Variants in HUWE1 observed in about 807,000 individuals in gnomAD.
HUWE1 encodes HECT, UBA and WWE domain containing E3 ubiquitin protein ligase 1, also known as E3 ubiquitin-protein ligase HUWE1.
HUWE1 carries 18 observed loss-of-function variants against 299.4 expected under a neutral mutation model. The ratio of observed to expected loss-of-function variants is 0.06; its 90% CI spans 0.04 to 0.09. HUWE1 has a LOEUF of 0.09. Among genes scored for constraint, HUWE1 ranks in the 10% least tolerant of loss-of-function variants. The pLI, the probability that HUWE1 is intolerant of heterozygous loss-of-function variation, is 1.00. For synonymous variants in HUWE1, 1,317 were observed against 1,286.1 expected (o/e 1.02, Z -0.51); for missense variants, 1,832 against 3,462.3 (o/e 0.53, Z 11.82).
rs201358327 is a variant in HUWE1 at position 53,648,529 on chromosome X, AC to A, written c.46-220del. Among the ~76,000 whole-genome samples the A allele has an allele frequency of 1.0e-3, 101 of 96,384 alleles. 3 individuals are homozygous for A. Among genetic ancestry groups the A allele is most frequent in the African/African-American group, 5.0e-3 (89 of 17,740 alleles). 83.7% of individuals were successfully genotyped at this position (96,384 alleles called of 115,157 possible). A position where few individuals can be genotyped will look rare whatever the true frequency, so the allele number is the denominator to read the frequency against. On this transcript the variant is annotated intron_variant, in intron 4 of 83. Transcript: ENST00000262854. ...CCAACAATCCACCTGGGCTTAAAAA[AC>A]AAAAAAAAACAAAAAAAAACAAAAA...
chrX:53,656,336 G>A (rs1164645219), intron 3 of HUWE1, among the ~76,000 whole-genome samples: 11 of 106,606 alleles, frequency 1.0e-4, no homozygotes, highest in African/African-American at 3.8e-4. Context: ...AGATTGTACC[G>A]TTGCACTCCA....
At chrX:53,542,653 A>G (rs1569413728) in intron 73 of HUWE1, 114 bp from the exon 74 acceptor site, 5 of 548,747 alleles carry the variant, frequency 9.1e-6, no homozygotes, top group Non-Finnish European at 1.6e-5. Context: ...GAAGCTTCCC[A>G]TATTTGGGTG....
At chrX:53,559,832 C>G (rs1202616087) in intron 56 of HUWE1, among the ~76,000 whole-genome samples, 2 of 112,238 alleles carry the variant, frequency 1.8e-5, no homozygotes, top group Non-Finnish European at 3.8e-5. Context: ...CCAACCATTA[C>G]AACACTTATA....
At position 53,661,352 on chromosome X, in the gene HUWE1, A is replaced by G. The variant is rs2068997444; in HGVS notation, c.-24-7221T>C. 2.7e-5 allele frequency among the ~76,000 whole-genome samples: 3 copies of G among 111,903 alleles called. No individual in the cohort carries two copies. In the Admixed American group the frequency reaches 2.8e-4, roughly 11 times the overall value. Reference sequence around the variant, plus strand: ...CCCAGCCTCACCTTTTTTTAAAACCAGTTTTATTACTACAAAATATTGGCA... The same window carrying G: ...CCCAGCCTCACCTTTTTTTAAAACCGGTTTTATTACTACAAAATATTGGCA... On this transcript the variant is annotated intron_variant, in intron 3 of 83. Coordinates refer to ENST00000262854, the MANE Select transcript of HUWE1 (RefSeq NM_031407.7).
chrX:53,675,630 TAAAAGAAAAA>T (rs1389685450), intron 3 of HUWE1, among the ~76,000 whole-genome samples: 4 of 110,565 alleles, frequency 3.6e-5, no homozygotes, highest in Non-Finnish European at 5.7e-5. Context: ...AATGTTATGT[TAAAAGAAAAA>T]AAAAGATATA....
intron 74 of HUWE1, among the ~76,000 whole-genome samples, chrX:53,540,801 GAGTA>G (rs1402311734): frequency 3.6e-5 from 4 of 111,236 alleles, no homozygotes; most frequent in African/African-American, 3.3e-5. Context: ...TCTGGGTGGG[GAGTA>G]AGTGACTGTT....
rs782225295 is a variant in HUWE1, at chrX:53,589,786, G to A, written c.4222C>T (p.Arg1408Trp). Residue 1408 changes from arginine to tryptophan, a missense_variant, in exon 36 of 84, where the codon CGG (arginine) becomes TGG (tryptophan). This residue lies in a region of HUWE1 where 658 missense variants were observed against 1,282.6 expected (regional missense o/e 0.51). Coordinates refer to ENST00000262854, the MANE Select transcript of HUWE1 (RefSeq NM_031407.7). Reference sequence around the variant, plus strand: ...TCCTCCTGCTTTTCCCGAGCTTTCCGTTCCTCTTCCTCCTTCCGGCAAGCA... The same window carrying A: ...TCCTCCTGCTTTTCCCGAGCTTTCCATTCCTCTTCCTCCTTCCGGCAAGCA... Reference protein sequence around the residue: ...EVACRKEEEERKAREKQEEEE... With the variant: ...EVACRKEEEEWKAREKQEEEE... 5.0e-6 allele frequency: 6 copies of A among 1,207,755 alleles called. No individual in the cohort carries two copies. The highest frequency in any genetic ancestry group is 1.8e-5 in the African/African-American group (1 of 56,993).
At chrX:53,593,217 T>C (rs1414028435) in intron 32 of HUWE1, 147 bp downstream of exon 32, 9 of 480,522 alleles carry the variant, frequency 1.9e-5, no homozygotes, top group African/African-American at 4.8e-5. Context: ...TCAAATGGTC[T>C]ATATTCCCTT....
rs1947799403 is a variant in HUWE1 at position 53,539,002 on chromosome X, C to T, written c.11711G>A (p.Arg3904His). 1.7e-6 allele frequency: 2 copies of T among 1,207,588 alleles called. No individual in the cohort carries two copies. Among genetic ancestry groups the T allele is most frequent in the Non-Finnish European group, 2.2e-6 (2 of 893,709 alleles). ...RESKPPVRDTRESQLAHIKDE... is the reference protein window; with the variant it reads ...RESKPPVRDTHESQLAHIKDE... Reference sequence around the variant, plus strand: ...CTTGATGTGTGCCAGCTGGCTCTCACGGGTGTCTCGGACAGGAGGCTTGCT... The same window carrying T: ...CTTGATGTGTGCCAGCTGGCTCTCATGGGTGTCTCGGACAGGAGGCTTGCT... Residue 3904 changes from arginine (R) to histidine (H), a missense_variant, in exon 76 of 84, where the codon CGT (arginine) becomes CAT (histidine). By Grantham distance (29) the Arg-to-His change is conservative. Transcript: ENST00000262854.
At chrX:53,611,372 TCAAA>T (rs1467213599) in intron 23 of HUWE1, among the ~76,000 whole-genome samples, 4 of 110,116 alleles carry the variant, frequency 3.6e-5, no homozygotes, top group Non-Finnish European at 3.8e-5. Context: ...CCAAAACACA[TCAAA>T]CAAAGAAGCT....
At position 53,548,245 on chromosome X, in the gene HUWE1, C is replaced by T. The variant is rs926329085; in HGVS notation, c.10064G>A (p.Arg3355Gln). 3 of 1,210,081 alleles carry T rather than the reference C, an allele frequency of 2.5e-6. No homozygotes were observed. The highest frequency in any genetic ancestry group is 3.4e-6 in the Non-Finnish European group (3 of 894,606). Residue 3355 changes from arginine to glutamine, a missense_variant, in exon 68 of 84, where the codon CGG (arginine) becomes CAG (glutamine). Arg to Gln is a conservative substitution (Grantham distance 43). Coordinates refer to ENST00000262854, the MANE Select transcript of HUWE1 (RefSeq NM_031407.7). Reference protein sequence around the residue: ...KVFPSHFTQQRTKETNCESDR... With the variant: ...KVFPSHFTQQQTKETNCESDR... ...ACTCTCACAGTTTGTTTCTTTGGTC[C>T]GCTGCTGTGTGAAGTGGCTGGGAAA... is the stretch of plus-strand genomic sequence containing the variant.
At chrX:53,679,173 GA>G (rs1310230952) in intron 3 of HUWE1, among the ~76,000 whole-genome samples, 7 of 98,916 alleles carry the variant, frequency 7.1e-5, no homozygotes, top group Non-Finnish European at 8.3e-5. Flanking sequence ...TAAATTGGAA[GA>G]AAAAAAAAAC....
intron 1 of HUWE1, 88 bp downstream of exon 1, chrX:53,686,500 C>G (rs1456120272): frequency 8.8e-6 from 1 of 113,422 alleles, no homozygotes; most frequent in African/African-American, 3.2e-5. Context: ...TGGGAACTCC[C>G]CCCCCAACCT....
intron 63 of HUWE1, 133 bp downstream of exon 63, chrX:53,552,178 C>G (rs2061794256): frequency 1.4e-6 from 1 of 719,523 alleles, no homozygotes; most frequent in East Asian, 3.4e-5. Context: ...ACCAGCACCC[C>G]CGCTTATTGT....
At chrX:53,603,652 C>T in intron 26 of HUWE1, 151 bp from the exon 27 acceptor site, 1 of 493,521 alleles carries the variant, frequency 2.0e-6, no homozygotes, top group Non-Finnish European at 3.5e-6. Flanking sequence ...TGTCCACACT[C>T]AAGACGACAG....
intron 76 of HUWE1, 149 bp from the exon 77 acceptor site, chrX:53,538,603 G>A: frequency 1.8e-6 from 1 of 546,351 alleles, no homozygotes; most frequent in South Asian, 2.7e-5. Flanking sequence ...AGCCCTTGAG[G>A]TGTGAACGTG....
intron 30 of HUWE1, 22 bp from the exon 31 acceptor site, chrX:53,594,643 AAACTTT>A (rs781976044): frequency 1.7e-6 from 2 of 1,205,878 alleles, no homozygotes; most frequent in South Asian, 3.5e-5. Context: ...AAAAAAGGCA[AAACTTT>A]AACCTTCTGT....
intron 3 of HUWE1, among the ~76,000 whole-genome samples, chrX:53,671,847 G>A (rs190358623): frequency 1.9e-5 from 2 of 104,825 alleles, no homozygotes; most frequent in Admixed American, 1.0e-4. Context: ...ACAGAGACAT[G>A]GAACGGGTCA....
chrX:53,596,459 T>TA, intron 29 of HUWE1, among the ~76,000 whole-genome samples: 1 of 112,480 alleles, frequency 8.9e-6, no homozygotes, highest in South Asian at 3.7e-4. Context: ...TTATCACACT[T>TA]ATGCACATAC....
Sources: allele counts gnomAD v4.1 joint callset (sites outside exome capture counted in the v4.1 genomes callset), GRCh38; gene constraint gnomAD v4.1.1; regional missense constraint gnomAD v4.1.1; transcripts MANE v1.5; gene names NCBI Gene and HGNC (gene_info 2026-07-23, HGNC 2026-07-21).